DLGAP2: variants seen among roughly 807,000 people sequenced by gnomAD.
DLGAP2 encodes the protein disks large-associated protein 2.
Under a neutral mutation model 100.3 loss-of-function variants are expected in DLGAP2, and 26 were observed. The observed-to-expected ratio is 0.26, with a 90% CI of 0.19 to 0.36. The LOEUF is 0.36. Ranked by LOEUF, DLGAP2 falls within the 10% of genes least tolerant of loss-of-function variation. DLGAP2 has a pLI of 1.00. For synonymous variants in DLGAP2, 886 were observed against 630.1 expected, an observed-to-expected ratio of 1.41 and a Z score of -6.08; for missense variants, 1,858 against 1,453.2, an observed-to-expected ratio of 1.28 and a Z score of -4.53.
chr8:1,333,075 G>A (rs1394582624), intron 3 of DLGAP2, among the ~76,000 whole-genome samples: 2 of 152,312 alleles, frequency 1.3e-5, no homozygotes, highest in East Asian at 1.9e-4. Context: ...GTCTGGAGGA[G>A]GTCAGGCTCT....
intron 8 of DLGAP2, among the ~76,000 whole-genome samples, chr8:1,641,374 C>A (rs149701257): frequency 2.6e-5 from 4 of 152,246 alleles, no homozygotes; most frequent in African/African-American, 9.6e-5. Flanking sequence ...TAATTTGTGT[C>A]CTTCTCTTAT....
intron 2 of DLGAP2, among the ~76,000 whole-genome samples, chr8:917,604 C>G (rs1459954254): frequency 6.6e-6 from 1 of 151,756 alleles, no homozygotes; most frequent in Non-Finnish European, 1.5e-5. Context: ...GTTGCTGAGA[C>G]AGGGTCTCGC....
intron 2 of DLGAP2, among the ~76,000 whole-genome samples, chr8:959,549 C>T (rs546948288): frequency 2.6e-5 from 4 of 152,308 alleles, no homozygotes; most frequent in East Asian, 3.9e-4. Context: ...GCTCTGTGCC[C>T]GTCGTCACAA....
chr8:975,585 G>A (rs188208721), intron 2 of DLGAP2, among the ~76,000 whole-genome samples: 49 of 152,218 alleles, frequency 3.2e-4, no homozygotes, highest in Admixed American at 9.8e-4. Flanking sequence ...TGCAAGGCTG[G>A]CTCAACATCT....
At chr8:1,274,213 A>G (rs1204408842) in intron 3 of DLGAP2, among the ~76,000 whole-genome samples, 1 of 151,978 alleles carries the variant, frequency 6.6e-6, no homozygotes, top group East Asian at 1.9e-4. Context: ...TAAATCTTAA[A>G]CTTATTTAAC....
chr8:1,378,198 A>ACG (rs1563115521), intron 3 of DLGAP2: 7 of 176,696 alleles, frequency 4.0e-5, no homozygotes, highest in Admixed American at 2.6e-4. Flanking sequence ...CATCCTGTGC[A>ACG]CACCTGACCT....
At chr8:840,684 A>G (rs7827530) in intron 1 of DLGAP2, among the ~76,000 whole-genome samples, 18,141 of 74,116 alleles carry the variant, frequency 0.24, 3,445 homozygotes, top group African/African-American at 0.29. Context: ...CACGGTGCAC[A>G]CCTGTATGTC....
chr8:805,888 G>C (rs935239788), intron 1 of DLGAP2, among the ~76,000 whole-genome samples: 10 of 152,230 alleles, frequency 6.6e-5, no homozygotes, highest in African/African-American at 2.2e-4. Flanking sequence ...ATGTGGTCCA[G>C]GCTGGGAACA....
chr8:1,575,550 T>G (rs563667947), intron 6 of DLGAP2, among the ~76,000 whole-genome samples: 309 of 150,814 alleles, frequency 2.0e-3, no homozygotes, highest in Non-Finnish European at 3.7e-3. Flanking sequence ...ACATGTGCCA[T>G]GTTGGTGTGC....
At chr8:1,043,660 A>G (rs1269453398) in intron 2 of DLGAP2, among the ~76,000 whole-genome samples, 1 of 152,018 alleles carries the variant, frequency 6.6e-6, no homozygotes, top group African/African-American at 2.4e-5. Flanking sequence ...CTGCCTTTTC[A>G]GGGAGGGCTT....
chr8:1,191,685 C>T (rs1344662327), intron 2 of DLGAP2, among the ~76,000 whole-genome samples: 1 of 152,160 alleles, frequency 6.6e-6, no homozygotes, highest in Non-Finnish European at 1.5e-5. Flanking sequence ...CAAGAAGGAA[C>T]TTGAGCTCAT....
chr8:1,313,280 C>G (rs1298207927), intron 3 of DLGAP2, among the ~76,000 whole-genome samples: 2 of 152,188 alleles, frequency 1.3e-5, no homozygotes, highest in Non-Finnish European at 2.9e-5. Context: ...GCATGCGTTG[C>G]ATTATATATA....
At chr8:762,053 A>G (rs953606894) in intron 1 of DLGAP2, among the ~76,000 whole-genome samples, 2 of 152,178 alleles carry the variant, frequency 1.3e-5, no homozygotes, top group African/African-American at 2.4e-5. Context: ...GTTTTGGCGT[A>G]TATCTTCCAG....
chr8:787,532 G>A (rs1821904347), intron 1 of DLGAP2, among the ~76,000 whole-genome samples: 1 of 152,228 alleles, frequency 6.6e-6, no homozygotes, highest in African/African-American at 2.4e-5. Flanking sequence ...GGATGTGCAG[G>A]GGGCACTGGC....
At chr8:759,187 C>CAGCCTTCCCATTATCAATACCCCT (rs1563415661) in intron 1 of DLGAP2, among the ~76,000 whole-genome samples, 1 of 98,784 alleles carries the variant, frequency 1.0e-5, no homozygotes, top group African/African-American at 4.1e-5. Context: ...TCAATACCCC[C>CAGCCTTCCCATTATCAATACCCCT]GACAGCCTTC....
intron 3 of DLGAP2, among the ~76,000 whole-genome samples, chr8:1,415,791 AGT>A (rs1016243844): frequency 6.6e-6 from 1 of 152,180 alleles, no homozygotes; most frequent in African/African-American, 2.4e-5. Flanking sequence ...TACATGTGTC[AGT>A]GTCTTTTTGG....
At chr8:1,559,038 A>G (rs777758930) in intron 5 of DLGAP2, among the ~76,000 whole-genome samples, 1 of 152,238 alleles carries the variant, frequency 6.6e-6, no homozygotes, top group Non-Finnish European at 1.5e-5. Flanking sequence ...CTTGGAAGAA[A>G]GAAAAGATAT....
chr8:1,205,878 T>C (rs1216428912), intron 2 of DLGAP2, among the ~76,000 whole-genome samples: 1 of 152,168 alleles, frequency 6.6e-6, no homozygotes, highest in Admixed American at 6.5e-5. Context: ...GGCAGCCAAG[T>C]GCAGTGGCAC....
At chr8:1,591,749 A>T (rs1235600383) in intron 6 of DLGAP2, among the ~76,000 whole-genome samples, 1 of 152,236 alleles carries the variant, frequency 6.6e-6, no homozygotes, top group East Asian at 1.9e-4. Flanking sequence ...ATCACACCCA[A>T]CTGCATCCTG....
Sources: allele counts gnomAD v4.1 joint callset (sites outside exome capture counted in the v4.1 genomes callset), GRCh38; gene constraint gnomAD v4.1.1; transcripts MANE v1.5; gene names NCBI Gene and HGNC (gene_info 2026-07-23, HGNC 2026-07-21).